Variants in SULF2 observed in about 807,000 individuals in gnomAD.
SULF2 encodes the protein sulfatase 2.
In SULF2, 52 loss-of-function variants were observed where a neutral mutation model predicts 107.7. The observed-to-expected ratio is 0.48, with a 90% CI of 0.39 to 0.61. The LOEUF (loss-of-function observed/expected upper bound fraction) is 0.61, where lower values mean the gene tolerates loss of function less well. Ranked by LOEUF, SULF2 falls within the 20% of genes least tolerant of loss-of-function variation. The pLI is 0.00. For missense variants in SULF2, 993 were observed against 1,177.3 expected (o/e 0.84, Z 2.29); for synonymous variants, 460 against 464.3 (o/e 0.99, Z 0.12).
At chr20:47,774,870 G>T (rs1264945611) in intron 1 of SULF2, among the ~76,000 whole-genome samples, 1 of 152,154 alleles carries the variant, frequency 6.6e-6, no homozygotes, top group Non-Finnish European at 1.5e-5. Flanking sequence ...GTCAAATAAA[G>T]TGTCAAGGGC....
chr20:47,664,480 T>A (rs1323687698), intron 14 of SULF2, among the ~76,000 whole-genome samples: 3 of 152,226 alleles, frequency 2.0e-5, no homozygotes, highest in Non-Finnish European at 4.4e-5. Flanking sequence ...TGGCTTTAGG[T>A]GCATCAGCCT....
intron 2 of SULF2, among the ~76,000 whole-genome samples, chr20:47,747,018 T>TATACACACAC (rs1232551264): frequency 1.3e-3 from 99 of 75,102 alleles, no homozygotes; most frequent in East Asian, 0.012. Flanking sequence ...TATATATATA[T>TATACACACAC]ACACACACAC....
chr20:47,720,534 A>G (rs1005034490), intron 3 of SULF2, among the ~76,000 whole-genome samples: 8 of 147,460 alleles, frequency 5.4e-5, no homozygotes, highest in African/African-American at 1.7e-4. Flanking sequence ...CTGGGATTAC[A>G]GGCCTATCAT....
chr20:47,704,418 G>T (rs1049034712), intron 3 of SULF2, among the ~76,000 whole-genome samples: 1 of 151,954 alleles, frequency 6.6e-6, no homozygotes, highest in Admixed American at 6.6e-5. Flanking sequence ...GACTACAGGC[G>T]CATGCCACCA....
At chr20:47,700,986 T>C (rs1264872594) in intron 4 of SULF2, among the ~76,000 whole-genome samples, 1 of 152,140 alleles carries the variant, frequency 6.6e-6, no homozygotes, top group Non-Finnish European at 1.5e-5. Context: ...CAGCAATCCT[T>C]CTTTGGGTGT....
chr20:47,733,551 T>A (rs775727063), intron 3 of SULF2, among the ~76,000 whole-genome samples: 13 of 152,210 alleles, frequency 8.5e-5, no homozygotes, highest in African/African-American at 3.1e-4. Flanking sequence ...GGCAGGTGGA[T>A]CACTTGAGGC....
At chr20:47,745,452 TATATACAC>T (rs201408978) in intron 2 of SULF2, among the ~76,000 whole-genome samples, 3,135 of 18,690 alleles carry the variant, frequency 0.17, 324 homozygotes, top group South Asian at 0.21. Context: ...TATATATATA[TATATACAC>T]ATACACACAC....
intron 11 of SULF2, among the ~76,000 whole-genome samples, chr20:47,670,273 A>G (rs1159694517): frequency 6.6e-6 from 1 of 151,816 alleles, no homozygotes. Flanking sequence ...GTTCACTGCA[A>G]CCTCCCGCTC....
At position 47,677,006 on chromosome 20, in the gene SULF2, G is replaced by A. The variant is rs552697716; in HGVS notation, c.1250+72C>T. ...CAGCTCCTGAATAGCATGATGCGGT[G>A]GGGCTACAGAAGCTTCCTGGGCAGA... On this transcript the variant is annotated intron_variant, in intron 9 of 20. Coordinates refer to ENST00000688720, the MANE Select transcript of SULF2 (RefSeq NM_001387048.1). 457 of 1,526,326 alleles carry A rather than the reference G, an allele frequency of 3.0e-4. 1 individual carries two copies. In the African/African-American group the frequency reaches 5.4e-3, roughly 18 times the overall value. The allele number at this position is 1,526,326 out of a possible 1,614,324, so 94.5% of individuals were successfully genotyped here.
At chr20:47,731,187 C>CTCTCTCTTTTTTTTTTTTTTTTTTTT (rs1186229502) in intron 3 of SULF2, among the ~76,000 whole-genome samples, 1 of 81,168 alleles carries the variant, frequency 1.2e-5, no homozygotes, top group African/African-American at 6.2e-5. Flanking sequence ...TGTATCTTCT[C>CTCTCTCTTTTTTTTTTTTTTTTTTTT]TTTTTTTTTT....
rs764885914 is a variant in SULF2, at chr20:47,757,275, C to T, written c.89G>A (p.Arg30His). The T allele has an allele frequency of 2.0e-5, 31 of 1,584,786 alleles. No individual in the cohort carries two copies. The highest frequency in any genetic ancestry group is 5.4e-5 in the African/African-American group (4 of 74,490). ...GTCCCTCTGAAACCTGCCTTTCAGG[C>T]GGTGGTGCGACAGGAAGGCCGAGCT... is the stretch of plus-strand genomic sequence containing the variant. ...GGSSAFLSHH[R>H]LKGRFQRDRR... is the part of the protein sequence containing the mutation. Residue 30 changes from arginine to histidine, a missense_variant, in exon 2 of 21, where the codon CGC (arginine) becomes CAC (histidine). Around this residue, in one of 3 missense-constraint regions of SULF2, gnomAD observed 388 missense variants for 449.2 expected, o/e 0.86. Transcript: ENST00000688720.
At chr20:47,778,765 T>C (rs1316709) in intron 1 of SULF2, among the ~76,000 whole-genome samples, 93,214 of 152,084 alleles carry the variant, frequency 0.61, 29,846 homozygotes, top group East Asian at 0.9. Flanking sequence ...TTCTTGGAAA[T>C]GTCAGAGAGG....
At chr20:47,672,077 AG>A in intron 11 of SULF2, 120 bp downstream of exon 11, 1 of 1,075,394 alleles carries the variant, frequency 9.3e-7, no homozygotes, top group South Asian at 1.6e-5. Flanking sequence ...CTGTGTCCCC[AG>A]CCCCTAGATC....
intron 10 of SULF2, among the ~76,000 whole-genome samples, chr20:47,674,011 C>T (rs1355201235): frequency 1.3e-5 from 2 of 152,240 alleles, no homozygotes; most frequent in Admixed American, 6.5e-5. Context: ...CTTGAGGGGT[C>T]GGCAAACAGC....
chr20:47,732,160 T>C (rs1276145653), intron 3 of SULF2, among the ~76,000 whole-genome samples: 2 of 152,188 alleles, frequency 1.3e-5, no homozygotes, highest in Non-Finnish European at 2.9e-5. Context: ...CCCCCCAAAA[T>C]GTTGGAATTA....
At chr20:47,731,189 T>TC (rs1568871790) in intron 3 of SULF2, among the ~76,000 whole-genome samples, 2 of 75,720 alleles carry the variant, frequency 2.6e-5, no homozygotes, top group African/African-American at 1.5e-4. Context: ...TATCTTCTCT[T>TC]TTTTTTTTTT....
chr20:47,678,548 T>C lies in SULF2; in HGVS notation c.1193+128A>G. 4 of 994,448 alleles carry C rather than the reference T, an allele frequency of 4.0e-6. No individual in the cohort carries two copies. Among genetic ancestry groups the C allele is most frequent in the Non-Finnish European group, 5.8e-6 (4 of 692,506 alleles). 61.6% of individuals were successfully genotyped at this position (994,448 alleles called of 1,614,324 possible). ...TCCCACAGCAGGTAAGTGGTTGGCATGGCGGGACCTGAGAACCCCAGCTCC... is the reference window on the plus strand; with the variant it reads ...TCCCACAGCAGGTAAGTGGTTGGCACGGCGGGACCTGAGAACCCCAGCTCC... On this transcript the variant is annotated intron_variant, in intron 8 of 20. Coordinates refer to ENST00000688720, the MANE Select transcript of SULF2 (RefSeq NM_001387048.1). This position sits in a 1 kb window ranked among gnomAD's most constrained non-coding sequence, Gnocchi z 4.5.
chr20:47,765,332 T>A (rs1490908294), intron 1 of SULF2, among the ~76,000 whole-genome samples: 6 of 146,594 alleles, frequency 4.1e-5, no homozygotes, highest in African/African-American at 1.5e-4. Context: ...CCAGCCTGGG[T>A]GACAGAGCGA....
At chr20:47,683,333 C>A (rs939747227) in intron 6 of SULF2, among the ~76,000 whole-genome samples, 164 bp from the exon 7 acceptor site, 1 of 152,192 alleles carries the variant, frequency 6.6e-6, no homozygotes, top group African/African-American at 2.4e-5. Flanking sequence ...CACCTTCCTG[C>A]CTCTTGTCAC....
Sources: gnomAD v4.1 joint callset for allele counts (sites outside exome capture counted in the v4.1 genomes callset) on GRCh38, gnomAD v4.1.1 for gene constraint, gnomAD v4.1.1 regional missense constraint, Gnocchi (gnomAD v3.1) non-coding constraint, MANE v1.5 for transcripts, NCBI Gene and HGNC (gene_info 2026-07-23, HGNC 2026-07-21) for gene names.